Variants in PEX5L observed in about 807,000 individuals in gnomAD.
PEX5L encodes peroxisomal biogenesis factor 5 like.
Under a neutral mutation model 84.0 loss-of-function variants are expected in PEX5L, and 30 were observed. The ratio of observed to expected loss-of-function variants is 0.36; its 90% CI spans 0.27 to 0.48. PEX5L has a LOEUF of 0.48. PEX5L is among the 20% of genes least tolerant of loss of function. The pLI, the probability that PEX5L is intolerant of heterozygous loss-of-function variation, is 0.99. For synonymous variants in PEX5L, 270 were observed against 283.1 expected, an observed-to-expected ratio of 0.95 and a Z score of 0.46; for missense variants, 533 against 754.6, an observed-to-expected ratio of 0.71 and a Z score of 3.44.
intron 1 of PEX5L, among the ~76,000 whole-genome samples, chr3:180,021,513 A>G (rs1790425483): frequency 6.6e-6 from 1 of 152,214 alleles, no homozygotes; most frequent in African/African-American, 2.4e-5. Context: ...AGATGATTGC[A>G]CTTAGAAACA....
At chr3:179,974,620 C>T (rs938998753) in intron 1 of PEX5L, among the ~76,000 whole-genome samples, 2 of 152,178 alleles carry the variant, frequency 1.3e-5, no homozygotes, top group Admixed American at 1.3e-4. Context: ...CACAGTATCT[C>T]CTATCTTTCC....
intron 14 of PEX5L, among the ~76,000 whole-genome samples, chr3:179,804,753 T>C (rs12053820): frequency 0.18 from 27,239 of 152,228 alleles, 2,476 homozygotes; most frequent in South Asian, 0.21. Context: ...CTTTCTCTAT[T>C]GAGGGTTGTT....
intron 2 of PEX5L, among the ~76,000 whole-genome samples, chr3:179,953,547 G>T (rs945349172): frequency 1.2e-4 from 19 of 152,250 alleles, no homozygotes; most frequent in African/African-American, 3.9e-4. Context: ...ACATTGTTCA[G>T]TAAAAAATCT....
At chr3:179,916,135 A>G (rs1446821466) in intron 2 of PEX5L, among the ~76,000 whole-genome samples, 3 of 152,176 alleles carry the variant, frequency 2.0e-5, no homozygotes, top group Admixed American at 6.5e-5. Context: ...TCATACATAT[A>G]TATTTTGATA....
At chr3:180,028,515 C>T (rs1450924170) in intron 1 of PEX5L, among the ~76,000 whole-genome samples, 4 of 152,074 alleles carry the variant, frequency 2.6e-5, no homozygotes, top group Admixed American at 2.6e-4. Context: ...TGGAAACTGT[C>T]AGTGGTTTAT....
intron 8 of PEX5L, among the ~76,000 whole-genome samples, chr3:179,821,209 A>C (rs1728406866): frequency 6.6e-6 from 1 of 152,194 alleles, no homozygotes; most frequent in African/African-American, 2.4e-5. Context: ...CAGCCTGCTA[A>C]GAGAGACACT....
intron 2 of PEX5L, among the ~76,000 whole-genome samples, chr3:179,964,784 A>G (rs1291255307): frequency 6.6e-6 from 1 of 152,210 alleles, no homozygotes; most frequent in Non-Finnish European, 1.5e-5. Flanking sequence ...TAGTCTAACT[A>G]TCTACCAACT....
intron 7 of PEX5L, among the ~76,000 whole-genome samples, chr3:179,866,301 A>G (rs1456600243): frequency 6.6e-6 from 1 of 152,228 alleles, no homozygotes; most frequent in Non-Finnish European, 1.5e-5. Flanking sequence ...TAACTGTAGA[A>G]AAGAAAAATA....
Position 179,796,687 on chromosome 3 carries a change from G to C in PEX5L, c.*5141C>G, listed in dbSNP as rs1247348685. Reference sequence around the variant, plus strand: ...AGACCACATGGTCTCACTGAGCTTTGCTCTCTCCCTTTCTGGTCTCCTCAT... The same window carrying C: ...AGACCACATGGTCTCACTGAGCTTTCCTCTCTCCCTTTCTGGTCTCCTCAT... On this transcript the variant is annotated 3_prime_UTR_variant, in exon 15 of 15. Transcript: ENST00000467460. The C allele has an allele frequency of 6.6e-6, 1 of 152,120 alleles. No individual in the cohort carries two copies. Among genetic ancestry groups the C allele is most frequent in the Non-Finnish European group, 1.5e-5 (1 of 68,022 alleles). The allele number at this position is 152,120 out of a possible 1,614,324, so 9.4% of individuals were successfully genotyped here.
At position 179,996,209 on chromosome 3, in the gene PEX5L, A is replaced by T. The variant is rs571108495; in HGVS notation, c.22-24544T>A. On this transcript the variant is annotated intron_variant, in intron 1 of 14. Transcript: ENST00000467460. Reference sequence around the variant, plus strand: ...CAGGGCCCTAGAGGTGAGGGTGAGGAGGTGTGCTACACTCGAAAAGAGCTG... The same window carrying T: ...CAGGGCCCTAGAGGTGAGGGTGAGGTGGTGTGCTACACTCGAAAAGAGCTG... Among the ~76,000 whole-genome samples, 159 of 152,226 alleles carry T rather than the reference A, an allele frequency of 1.0e-3. 1 individual carries two copies. The highest frequency in any genetic ancestry group is 3.6e-3 in the African/African-American group (149 of 41,534).
rs984591068 is a variant in PEX5L at position 179,955,400 on chromosome 3, T to C, written c.93+16194A>G. On this transcript the variant is annotated intron_variant, in intron 2 of 14. Coordinates refer to ENST00000467460, the MANE Select transcript of PEX5L (RefSeq NM_016559.3). Reference sequence around the variant, plus strand: ...TCTTTGGCACCTTGCTGAAGCTAATTGGGTTTCTTTGTGTTTTGAGCGATG... The same window carrying C: ...TCTTTGGCACCTTGCTGAAGCTAATCGGGTTTCTTTGTGTTTTGAGCGATG... 3.3e-5 allele frequency among the ~76,000 whole-genome samples: 5 copies of C among 149,450 alleles called. No homozygotes were observed. The Admixed American group carries it at 3.4e-4, about 10-fold the overall frequency.
intron 2 of PEX5L, among the ~76,000 whole-genome samples, chr3:179,944,901 C>T (rs901070152): frequency 2.0e-5 from 3 of 152,188 alleles, no homozygotes; most frequent in African/African-American, 7.2e-5. Flanking sequence ...AGAATCAGGA[C>T]GTTCACTCAG....
chr3:179,844,369 T>G (rs1197250951), intron 8 of PEX5L, among the ~76,000 whole-genome samples: 1 of 152,246 alleles, frequency 6.6e-6, no homozygotes, highest in African/African-American at 2.4e-5. Flanking sequence ...TAGTTAAAAC[T>G]TCAATCTAAT....
chr3:179,826,445 C>CA (rs1490841426), intron 8 of PEX5L, among the ~76,000 whole-genome samples: 1 of 152,044 alleles, frequency 6.6e-6, no homozygotes, highest in East Asian at 1.9e-4. Context: ...TTTGCCTTCA[C>CA]AAAAAAAGAA....
intron 7 of PEX5L, among the ~76,000 whole-genome samples, chr3:179,871,256 C>T (rs1458176241): frequency 6.6e-6 from 1 of 152,008 alleles, no homozygotes; most frequent in Admixed American, 6.6e-5. Context: ...GCATGCACCA[C>T]CAGGCCTGGC....
At chr3:179,876,648 G>A (rs1369205193) in intron 5 of PEX5L, among the ~76,000 whole-genome samples, 5 of 152,142 alleles carry the variant, frequency 3.3e-5, no homozygotes, top group African/African-American at 1.2e-4. Flanking sequence ...TCGCACTGCT[G>A]TGTGACCATC....
chr3:179,940,086 T>C (rs1365804273), intron 2 of PEX5L, among the ~76,000 whole-genome samples: 5 of 152,204 alleles, frequency 3.3e-5, no homozygotes, highest in Non-Finnish European at 4.4e-5. Flanking sequence ...GGATGGACTA[T>C]GTGCTGGTTC....
intron 7 of PEX5L, among the ~76,000 whole-genome samples, chr3:179,870,697 C>A (rs181804623): frequency 6.6e-6 from 1 of 152,340 alleles, no homozygotes; most frequent in East Asian, 1.9e-4. Context: ...AGGCTCCAAT[C>A]ATCTGGGCCT....
intron 2 of PEX5L, among the ~76,000 whole-genome samples, chr3:179,899,249 A>C (rs1476075949): frequency 1.3e-5 from 2 of 152,138 alleles, no homozygotes; most frequent in Non-Finnish European, 2.9e-5. Context: ...ACTATGTAAA[A>C]ATTAAATAAT....
Sources: gnomAD v4.1 joint callset for allele counts (sites outside exome capture counted in the v4.1 genomes callset) on GRCh38, gnomAD v4.1.1 for gene constraint, MANE v1.5 for transcripts, NCBI Gene and HGNC (gene_info 2026-07-23, HGNC 2026-07-21) for gene names.